TFAP2D: variants seen among roughly 807,000 people sequenced by gnomAD.
The protein encoded by TFAP2D is transcription factor AP-2 delta.
A neutral mutation model predicts 43.6 loss-of-function variants in TFAP2D; 9 were observed. The observed-to-expected ratio is 0.21, with a 90% confidence interval of 0.12 to 0.36. TFAP2D has a LOEUF of 0.36. Among genes scored for constraint, TFAP2D ranks in the 10% least tolerant of loss-of-function variants. The pLI, the probability that TFAP2D is intolerant of heterozygous loss-of-function variation, is 1.00. For synonymous variants in TFAP2D, 256 were observed against 224.9 expected (o/e 1.14, Z -1.24); for missense variants, 513 against 561.4 (o/e 0.91, Z 0.87).
At chr6:50,743,051 A>AC (rs975946320) in intron 5 of TFAP2D, among the ~76,000 whole-genome samples, 9 of 149,964 alleles carry the variant, frequency 6.0e-5, no homozygotes, top group Non-Finnish European at 7.4e-5. Flanking sequence ...TTAAACTGTG[A>AC]CCCCCCATTA....
At chr6:50,742,390 G>A (rs1769058222) in intron 5 of TFAP2D, among the ~76,000 whole-genome samples, 1 of 152,048 alleles carries the variant, frequency 6.6e-6, no homozygotes, top group African/African-American at 2.4e-5. Flanking sequence ...CTGCCACACG[G>A]TGAGAGCTTT....
chr6:50,725,740 A>C (rs935810311), intron 3 of TFAP2D, among the ~76,000 whole-genome samples: 7 of 152,134 alleles, frequency 4.6e-5, no homozygotes, highest in African/African-American at 1.7e-4. Flanking sequence ...CAGCACCTTC[A>C]ATCTAAAGGC....
At chr6:50,724,706 C>G (rs528147835) in intron 3 of TFAP2D, among the ~76,000 whole-genome samples, 1 of 152,170 alleles carries the variant, frequency 6.6e-6, no homozygotes, top group South Asian at 2.1e-4. Context: ...AGAGAAAAAG[C>G]TCACCCAGGC....
intron 7 of TFAP2D, among the ~76,000 whole-genome samples, chr6:50,761,273 G>C (rs187657317): frequency 1.3e-5 from 2 of 150,676 alleles, no homozygotes; most frequent in Non-Finnish European, 3.0e-5. Flanking sequence ...TGCTTTTTCA[G>C]GTAAAAAGTT....
In TFAP2D at chr6:50,765,079, C is replaced by T. The variant is rs527244429; in HGVS notation, c.1140-7566C>T. ...AAAGTTTGTACCTTTTGACCAACAT[C>T]GCCCCATTTCTGTCACTTCTTAGCC... On this transcript the variant is annotated intron_variant, in intron 7 of 7. Transcript: ENST00000008391. Among the ~76,000 whole-genome samples the T allele has an allele frequency of 3.9e-5, 6 of 152,310 alleles. No individual in the cohort carries two copies. The South Asian group carries it at 1.2e-3, about 32-fold the overall frequency.
At chr6:50,728,778 C>T (rs995036175) in intron 3 of TFAP2D, 78 bp from the exon 4 acceptor site, 1 of 1,443,720 alleles carries the variant, frequency 6.9e-7, no homozygotes, top group African/African-American at 1.4e-5. Flanking sequence ...CCAGAATAGT[C>T]TTTTGATGTT....
intron 3 of TFAP2D, among the ~76,000 whole-genome samples, chr6:50,724,174 A>G (rs1270256650): frequency 1.3e-5 from 2 of 152,142 alleles, no homozygotes; most frequent in East Asian, 3.9e-4. Context: ...AGGAAGCAGC[A>G]GAGAATAATT....
At chr6:50,756,131 G>C (rs1244310687) in intron 7 of TFAP2D, among the ~76,000 whole-genome samples, 1 of 151,902 alleles carries the variant, frequency 6.6e-6, no homozygotes, top group African/African-American at 2.4e-5. Context: ...CTAAAGTGCT[G>C]GATTACAGGC....
At chr6:50,743,023 T>G (rs147537469) in intron 5 of TFAP2D, among the ~76,000 whole-genome samples, 172 of 149,950 alleles carry the variant, frequency 1.1e-3, no homozygotes, top group African/African-American at 4.0e-3. Context: ...CTGCCAAATA[T>G]TCACATATTT....
intron 7 of TFAP2D, among the ~76,000 whole-genome samples, chr6:50,769,513 T>C (rs959408224): frequency 6.6e-6 from 1 of 152,214 alleles, no homozygotes; most frequent in African/African-American, 2.4e-5. Context: ...AAGAGGAATC[T>C]TTAAATATGG....
At chr6:50,757,823 A>C (rs1424900114) in intron 7 of TFAP2D, among the ~76,000 whole-genome samples, 1 of 129,734 alleles carries the variant, frequency 7.7e-6, no homozygotes, top group East Asian at 2.1e-4. Flanking sequence ...TATAGAATAT[A>C]TATAATTATA....
chr6:50,769,729 A>G (rs1769498460), intron 7 of TFAP2D, among the ~76,000 whole-genome samples: 1 of 152,194 alleles, frequency 6.6e-6, no homozygotes, highest in Admixed American at 6.5e-5. Context: ...TCAGAGAAAA[A>G]TGTACCCTCA....
At chr6:50,767,954 A>G (rs1769467296) in intron 7 of TFAP2D, among the ~76,000 whole-genome samples, 1 of 152,206 alleles carries the variant, frequency 6.6e-6, no homozygotes, top group Non-Finnish European at 1.5e-5. Context: ...TTGAGGATAG[A>G]GTTTTAGAAT....
In TFAP2D at chr6:50,738,901, A is replaced by G. The variant is rs567732343; in HGVS notation, c.884-6206A>G. 5.3e-5 allele frequency among the ~76,000 whole-genome samples: 8 copies of G among 152,226 alleles called. No individual in the cohort carries two copies. In the South Asian group the frequency reaches 1.2e-3, roughly 24 times the overall value. On this transcript the variant is annotated intron_variant, in intron 5 of 7. Coordinates refer to ENST00000008391, the MANE Select transcript of TFAP2D (RefSeq NM_172238.4). ...CGCTAGTGGCTGCTTTCCCTTTTGT[A>G]TAAGTCATAGAATCCTTACATTTTT...
chr6:50,751,592 C>T (rs573421929), intron 7 of TFAP2D, among the ~76,000 whole-genome samples: 17 of 151,980 alleles, frequency 1.1e-4, no homozygotes, highest in Admixed American at 7.9e-4. Flanking sequence ...GAGATGGCAC[C>T]GTCTCCATTT....
chr6:50,758,299 C>T (rs1425131257), intron 7 of TFAP2D, among the ~76,000 whole-genome samples: 3 of 151,882 alleles, frequency 2.0e-5, no homozygotes, highest in Non-Finnish European at 4.4e-5. Context: ...AATATTTAGA[C>T]CTTCTCTCCA....
intron 2 of TFAP2D, 123 bp from the exon 3 acceptor site, chr6:50,718,950 AGCTTGCTTCAGCTCAAT>A: frequency 1.3e-6 from 1 of 759,988 alleles, no homozygotes; most frequent in South Asian, 2.0e-5. Context: ...TTTGCTGGCA[AGCTTGCTTCAGCTCAAT>A]GCTTGCTTTC....
At chr6:50,716,767 T>A (rs1768634676) in intron 2 of TFAP2D, among the ~76,000 whole-genome samples, 1 of 152,168 alleles carries the variant, frequency 6.6e-6, no homozygotes, top group Non-Finnish European at 1.5e-5. Context: ...CTGGCCACCT[T>A]CTTCACACTC....
At chr6:50,715,651 C>G (rs1011622782) in intron 2 of TFAP2D, 38 bp downstream of exon 2, 1 of 1,543,708 alleles carries the variant, frequency 6.5e-7, no homozygotes, top group East Asian at 2.3e-5. Flanking sequence ...GCTCCCTCCC[C>G]TCTTCGCCCT....
Sources: allele counts gnomAD v4.1 joint callset (sites outside exome capture counted in the v4.1 genomes callset), GRCh38; gene constraint gnomAD v4.1.1; transcripts MANE v1.5; gene names NCBI Gene and HGNC (gene_info 2026-07-23, HGNC 2026-07-21).